SCYL3: variants seen among roughly 807,000 people sequenced by gnomAD.
SCYL3 encodes SCY1 like pseudokinase 3.
SCYL3 carries 35 observed loss-of-function variants against 73.8 expected under a neutral mutation model. The ratio of observed to expected loss-of-function variants is 0.47; its 90% CI spans 0.36 to 0.63. SCYL3 has a LOEUF of 0.63. Ranked by LOEUF, SCYL3 falls within the 20% of genes least tolerant of loss-of-function variation. The pLI is 0.00. For missense variants in SCYL3, 712 were observed against 798.9 expected (o/e 0.89, Z 1.31); for synonymous variants, 277 against 295.2 (o/e 0.94, Z 0.63).
Position 169,868,983 on chromosome 1 carries a change from G to T in SCYL3, c.682C>A (p.Pro228Thr). Reference protein sequence around the residue: ...QQTLHSTLLNPIPKCRPALCT... With the variant: ...QQTLHSTLLNTIPKCRPALCT... ...AGCGCTGGCCGACATTTTGGAATGGGATTCAGCAAAGTTGAGTGCAAGGTC... is the reference window on the plus strand; with the variant it reads ...AGCGCTGGCCGACATTTTGGAATGGTATTCAGCAAAGTTGAGTGCAAGGTC... The change falls in exon 7 of 13, where the codon CCC becomes ACC. Residue 228 changes from proline (P) to threonine (T), a missense_variant. This residue lies in a region of SCYL3 where 342 missense variants were observed against 448.1 expected (regional missense o/e 0.76). Coordinates refer to ENST00000367771, the MANE Select transcript of SCYL3 (RefSeq NM_020423.7). The T allele has an allele frequency of 6.2e-7, 1 of 1,614,182 alleles. No homozygotes were observed. Among genetic ancestry groups the T allele is most frequent in the Non-Finnish European group, 8.5e-7 (1 of 1,180,032 alleles).
chr1:169,872,813 G>A (rs960130157), intron 5 of SCYL3, among the ~76,000 whole-genome samples: 2 of 152,150 alleles, frequency 1.3e-5, no homozygotes, highest in Non-Finnish European at 2.9e-5. Context: ...CTTGCCTGTA[G>A]CCCCTTTGTT....
chr1:169,855,411 T>TC (rs1659041389), intron 11 of SCYL3, among the ~76,000 whole-genome samples: 1 of 152,178 alleles, frequency 6.6e-6, no homozygotes, highest in Non-Finnish European at 1.5e-5. Context: ...CACTGAGAGA[T>TC]CCTGTGCAAT....
intron 5 of SCYL3, among the ~76,000 whole-genome samples, chr1:169,870,766 T>A (rs1411877511): frequency 2.0e-5 from 3 of 151,820 alleles, no homozygotes; most frequent in African/African-American, 2.4e-5. Context: ...TTTTTTTTTT[T>A]ATAAAATGCT....
chr1:169,883,194 G>A (rs7533194), intron 2 of SCYL3, among the ~76,000 whole-genome samples: 23,163 of 152,012 alleles, frequency 0.15, 1,873 homozygotes, highest in Middle Eastern at 0.21. Flanking sequence ...GCGAGGGTCC[G>A]CGGCTTCATT....
intron 8 of SCYL3, among the ~76,000 whole-genome samples, chr1:169,864,805 C>CA (rs1205388511): frequency 6.6e-6 from 1 of 151,864 alleles, no homozygotes; most frequent in African/African-American, 2.4e-5. Context: ...ACTAAAAGTA[C>CA]AAAAATTAGC....
chr1:169,886,002 A>G (rs1167877541), intron 2 of SCYL3, among the ~76,000 whole-genome samples: 1 of 152,134 alleles, frequency 6.6e-6, no homozygotes, highest in African/African-American at 2.4e-5. Flanking sequence ...ATGAAGGGCA[A>G]AAAATAATTT....
intron 11 of SCYL3, among the ~76,000 whole-genome samples, chr1:169,855,483 C>A (rs1659047755): frequency 6.6e-6 from 1 of 152,210 alleles, no homozygotes; most frequent in Non-Finnish European, 1.5e-5. Flanking sequence ...TTTTTCACAA[C>A]ACGCCCATTA....
At position 169,852,462 on chromosome 1, in the gene SCYL3, A is replaced by AAAAG. The variant is rs1558106115; in HGVS notation, c.*1247_*1250dup. ...GATAAGTTTTAGTCAAACTCTCATA[A>AAAAG]AAAGAAAATACATTTATGAACTTGT... is the stretch of plus-strand genomic sequence containing the variant. On this transcript the variant is annotated 3_prime_UTR_variant, in exon 13 of 13. Transcript: ENST00000367771. 1 of 305,704 alleles carries AAAAG rather than the reference A, an allele frequency of 3.3e-6. No individual in the cohort carries two copies. The highest frequency in any genetic ancestry group is 4.8e-5 in the Admixed American group (1 of 20,958). The allele number at this position is 305,704 out of a possible 1,614,324, so 18.9% of individuals were successfully genotyped here. A position where few individuals can be genotyped will look rare whatever the true frequency, so the allele number is the denominator to read the frequency against.
chr1:169,858,678 A>G (rs1366331487), intron 11 of SCYL3, among the ~76,000 whole-genome samples: 1 of 152,226 alleles, frequency 6.6e-6, no homozygotes, highest in Non-Finnish European at 1.5e-5. Flanking sequence ...AATGCATTCC[A>G]CTACAGCTAC....
chr1:169,888,944 A>G (rs1661866379), intron 1 of SCYL3, 54 bp from the exon 2 acceptor site: 2 of 1,035,886 alleles, frequency 1.9e-6, no homozygotes, highest in African/African-American at 3.2e-5. Context: ...TGCAACATCA[A>G]CAAGAGATAT....
At chr1:169,881,977 G>A (rs1005248481) in intron 2 of SCYL3, among the ~76,000 whole-genome samples, 13 of 152,356 alleles carry the variant, frequency 8.5e-5, no homozygotes, top group Admixed American at 4.6e-4. Flanking sequence ...GCTCGCTCTC[G>A]GCGCCTCCTC....
At chr1:169,860,469 T>C (rs546751191) in intron 10 of SCYL3, among the ~76,000 whole-genome samples, 1 of 152,378 alleles carries the variant, frequency 6.6e-6, no homozygotes, top group South Asian at 2.1e-4. Flanking sequence ...TCTTTGGTTT[T>C]GGTCTTAGCT....
intron 2 of SCYL3, among the ~76,000 whole-genome samples, chr1:169,881,718 A>G (rs965830318): frequency 1.3e-5 from 2 of 152,064 alleles, no homozygotes; most frequent in South Asian, 4.1e-4. Flanking sequence ...CATTTACATC[A>G]CTTAACACAG....
chr1:169,893,058 A>C (rs756034127), intron 1 of SCYL3, among the ~76,000 whole-genome samples: 3 of 152,174 alleles, frequency 2.0e-5, no homozygotes, highest in Non-Finnish European at 4.4e-5. Flanking sequence ...GACAAGCAAT[A>C]CACAATTAAG....
At chr1:169,856,459 C>T (rs1659168352) in intron 11 of SCYL3, among the ~76,000 whole-genome samples, 1 of 152,094 alleles carries the variant, frequency 6.6e-6, no homozygotes, top group Non-Finnish European at 1.5e-5. Context: ...AACAGTTTGC[C>T]AGAAAGTTTA....
chr1:169,869,644 C>CA (rs1300833606), intron 6 of SCYL3, among the ~76,000 whole-genome samples: 1 of 152,130 alleles, frequency 6.6e-6, no homozygotes, highest in East Asian at 1.9e-4. Flanking sequence ...GTGACACATG[C>CA]CTCAGTAAAC....
At position 169,854,290 on chromosome 1, in the gene SCYL3, C is replaced by T. The variant is rs1400838224; in HGVS notation, c.1987G>A (p.Ala663Thr). 1 of 1,605,596 alleles carries T rather than the reference C, an allele frequency of 6.2e-7. No individual in the cohort carries two copies. The highest frequency in any genetic ancestry group is 1.1e-5 in the South Asian group (1 of 89,180). ...CTCACCTCAGTAATTTCTGCTGCAG[C>T]AAATTTTGAGGAAAACTGCATCACT... ...SPVMQFSSKF[A>T]AAEITEGEAE... The change falls in exon 12 of 13, where the codon GCT becomes ACT. Residue 663 changes from alanine (A) to threonine (T), a missense_variant. This residue lies in a region of SCYL3 where 370 missense variants were observed against 350.8 expected (regional missense o/e 1.05). Transcript: ENST00000367771.
intron 2 of SCYL3, among the ~76,000 whole-genome samples, chr1:169,881,221 T>G (rs2102197828): frequency 6.6e-6 from 1 of 152,370 alleles, no homozygotes; most frequent in Middle Eastern, 3.4e-3. Context: ...ATTACAAGGC[T>G]TCTACGTTTT....
At position 169,852,753 on chromosome 1, in the gene SCYL3, A is replaced by C. The variant is rs1658557213; in HGVS notation, c.*960T>G. ...CAAAAGGAAGGTTCTTTATATTTAG[A>C]ATGGATATTGTGATATTACTTATGT... is the stretch of plus-strand genomic sequence containing the variant. On this transcript the variant is annotated 3_prime_UTR_variant, in exon 13 of 13. Coordinates refer to ENST00000367771, the MANE Select transcript of SCYL3 (RefSeq NM_020423.7). The C allele has an allele frequency of 6.3e-7, 1 of 1,596,202 alleles. No homozygotes were observed. The highest frequency in any genetic ancestry group is 8.6e-7 in the Non-Finnish European group (1 of 1,167,412).
Sources: allele counts gnomAD v4.1 joint callset (sites outside exome capture counted in the v4.1 genomes callset), GRCh38; gene constraint gnomAD v4.1.1; regional missense constraint gnomAD v4.1.1; transcripts MANE v1.5; gene names NCBI Gene and HGNC (gene_info 2026-07-23, HGNC 2026-07-21).